MRPS28: variants seen among roughly 807,000 people sequenced by gnomAD.
MRPS28 encodes small ribosomal subunit protein bS1m.
A neutral mutation model predicts 10.8 loss-of-function variants in MRPS28; 7 were observed. The ratio of observed to expected loss-of-function variants is 0.65; its 90% CI spans 0.37 to 1.22. MRPS28 has a LOEUF of 1.22. Ranked by LOEUF, MRPS28 falls within the 50% of genes most tolerant of loss-of-function variation. The pLI is 0.02. For missense variants in MRPS28, 265 were observed against 232.9 expected (o/e 1.14, Z -0.90); for synonymous variants, 121 against 93.3 (o/e 1.30, Z -1.71).
chr8:80,002,956 T>C, intron 2 of MRPS28, 43 bp downstream of exon 2: 1 of 1,443,266 alleles, frequency 6.9e-7, no homozygotes, highest in Non-Finnish European at 9.2e-7. Context: ...CTATCCCAAC[T>C]TTTATGAATA....
chr8:79,948,473 C>T (rs556511159), intron 2 of MRPS28, among the ~76,000 whole-genome samples: 8 of 152,166 alleles, frequency 5.3e-5, no homozygotes, highest in Non-Finnish European at 1.0e-4. Flanking sequence ...CTTTTTCTTG[C>T]CTTACAACTC....
chr8:80,017,813 T>G (rs1222064955), intron 1 of MRPS28, among the ~76,000 whole-genome samples: 1 of 152,218 alleles, frequency 6.6e-6, no homozygotes, highest in African/African-American at 2.4e-5. Context: ...ATATTTCTCA[T>G]GCATGTAGAT....
At chr8:80,008,196 G>A (rs1808919161) in intron 1 of MRPS28, among the ~76,000 whole-genome samples, 1 of 152,150 alleles carries the variant, frequency 6.6e-6, no homozygotes, top group Non-Finnish European at 1.5e-5. Flanking sequence ...TTAATAAATG[G>A]TGCTGGGAAA....
At chr8:80,029,935 C>T in intron 1 of MRPS28, 101 bp downstream of exon 1, 1 of 1,538,096 alleles carries the variant, frequency 6.5e-7, no homozygotes. Flanking sequence ...CCCCGGACCT[C>T]AGCTCCCCTT....
intron 2 of MRPS28, among the ~76,000 whole-genome samples, chr8:79,988,724 G>A (rs1220851631): frequency 6.6e-6 from 1 of 152,094 alleles, no homozygotes; most frequent in East Asian, 1.9e-4. Context: ...AAGCCTTTTT[G>A]AACAATTCTG....
At chr8:79,973,839 T>TTA (rs1554571870) in intron 2 of MRPS28, among the ~76,000 whole-genome samples, 3 of 136,146 alleles carry the variant, frequency 2.2e-5, no homozygotes, top group Admixed American at 7.3e-5. Context: ...AATAAATTAA[T>TTA]AAAAAAAAAA....
rs375976375 is a variant in MRPS28 at position 79,919,192 on chromosome 8, T to G, written c.396-44A>C. The G allele has an allele frequency of 1.5e-3, 2,139 of 1,445,252 alleles. 2 individuals carry two copies. Among genetic ancestry groups the G allele is most frequent in the Non-Finnish European group, 1.5e-3 (1,672 of 1,087,346 alleles). The allele number at this position is 1,445,252 out of a possible 1,614,324, so 89.5% of individuals were successfully genotyped here. A position where few individuals can be genotyped will look rare whatever the true frequency, so the allele number is the denominator to read the frequency against. Reference sequence around the variant, plus strand: ...AAAAATCCATTAATTCTGAATATCATAACATGAACAACTAGTTTAATAACA... The same window carrying G: ...AAAAATCCATTAATTCTGAATATCAGAACATGAACAACTAGTTTAATAACA... On this transcript the variant is annotated intron_variant, in intron 2 of 2. Coordinates refer to ENST00000276585, the MANE Select transcript of MRPS28 (RefSeq NM_014018.3).
intron 2 of MRPS28, among the ~76,000 whole-genome samples, chr8:79,949,198 A>C (rs1229939246): frequency 2.0e-5 from 3 of 152,092 alleles, no homozygotes. Flanking sequence ...GATGGATCAC[A>C]AGGTCAGGAG....
At chr8:80,012,619 C>G (rs1809083689) in intron 1 of MRPS28, among the ~76,000 whole-genome samples, 11 of 152,186 alleles carry the variant, frequency 7.2e-5, no homozygotes, top group Admixed American at 7.2e-4. Context: ...CAGGTACTAA[C>G]TTGGAGTTGA....
At chr8:79,976,555 A>T (rs964362304) in intron 2 of MRPS28, among the ~76,000 whole-genome samples, 4 of 152,048 alleles carry the variant, frequency 2.6e-5, no homozygotes, top group African/African-American at 9.7e-5. Context: ...AAATACAAAA[A>T]ATTAGCTGGG....
intron 2 of MRPS28, among the ~76,000 whole-genome samples, chr8:79,997,161 AG>A (rs1381228983): frequency 6.6e-6 from 1 of 152,240 alleles, no homozygotes; most frequent in African/African-American, 2.4e-5. Flanking sequence ...TTAATATGAC[AG>A]AAAAAAATGT....
chr8:79,997,683 C>A (rs545216611), intron 2 of MRPS28, among the ~76,000 whole-genome samples: 5 of 150,852 alleles, frequency 3.3e-5, no homozygotes, highest in Non-Finnish European at 7.4e-5. Flanking sequence ...TTCATAAGAA[C>A]AAAAACCCTT....
rs199683365 is a variant in MRPS28, at chr8:80,030,069, C to G, written c.180G>C (p.Ser60=). The change falls in exon 1 of 3, where the codon TCG becomes TCC. Residue 60 remains serine, a synonymous_variant. Coordinates refer to ENST00000276585, the MANE Select transcript of MRPS28 (RefSeq NM_014018.3). ...GGGGCTCCACCTTCTGTAGAAGCTC[C>G]GAGTGCCGCTCCAACGCGCTCGCGA... The part of the protein sequence containing the change: ...GGFASALERH[S]ELLQKVEPLQ... 6.2e-7 allele frequency: 1 copy of G among 1,613,548 alleles called. No homozygotes were observed. The highest frequency in any genetic ancestry group is 8.5e-7 in the Non-Finnish European group (1 of 1,179,754).
At position 79,944,701 on chromosome 8, in the gene MRPS28, C is replaced by CT. The variant is rs57397948; in HGVS notation, c.396-25554dup. Among the ~76,000 whole-genome samples the CT allele has an allele frequency of 9.5e-4, 131 of 137,630 alleles. 3 individuals are homozygous for CT. Among genetic ancestry groups the CT allele is most frequent in the Non-Finnish European group, 1.6e-3 (103 of 65,136 alleles). The allele number at this position is 137,630 out of a possible 152,430, so 90.3% of individuals were successfully genotyped here. A position where few individuals can be genotyped will look rare whatever the true frequency, so the allele number is the denominator to read the frequency against. ...GCCATAATTTTTCTTTTTCTTTTTT[C>CT]TTTTTTTTTTTTGAGACAAGGTCTC... On this transcript the variant is annotated intron_variant, in intron 2 of 2. Coordinates refer to ENST00000276585, the MANE Select transcript of MRPS28 (RefSeq NM_014018.3).
At position 79,986,129 on chromosome 8, in the gene MRPS28, A is replaced by G. The variant is rs181750555; in HGVS notation, c.395+16870T>C. On this transcript the variant is annotated intron_variant, in intron 2 of 2. Coordinates refer to ENST00000276585, the MANE Select transcript of MRPS28 (RefSeq NM_014018.3). ...ATGCAAGGCTGGTTCAATATACTCAAATCAATAAATGTAATCCAGCATATA... is the reference window on the plus strand; with the variant it reads ...ATGCAAGGCTGGTTCAATATACTCAGATCAATAAATGTAATCCAGCATATA... 7.2e-4 allele frequency among the ~76,000 whole-genome samples: 110 copies of G among 152,338 alleles called. No individual in the cohort carries two copies. In the East Asian group the frequency reaches 0.02, roughly 27 times the overall value.
At chr8:79,990,989 C>CAAAAAAAAAA (rs60436244) in intron 2 of MRPS28, among the ~76,000 whole-genome samples, 1 of 118,908 alleles carries the variant, frequency 8.4e-6, no homozygotes, top group African/African-American at 3.2e-5. Flanking sequence ...GACTCCATCT[C>CAAAAAAAAAA]AAAAAAAAAA....
chr8:79,950,018 T>A (rs1807040526), intron 2 of MRPS28, among the ~76,000 whole-genome samples: 1 of 151,996 alleles, frequency 6.6e-6, no homozygotes, highest in Non-Finnish European at 1.5e-5. Context: ...CAGGTCATAT[T>A]CAGAAAAAGT....
intron 2 of MRPS28, among the ~76,000 whole-genome samples, chr8:79,925,093 A>G (rs1043598666): frequency 6.6e-6 from 1 of 152,174 alleles, no homozygotes; most frequent in African/African-American, 2.4e-5. Context: ...ACTCCTCTCC[A>G]ATATTTCTAG....
At chr8:79,967,164 A>G (rs145496282) in intron 2 of MRPS28, among the ~76,000 whole-genome samples, 10 of 152,296 alleles carry the variant, frequency 6.6e-5, no homozygotes, top group Admixed American at 4.6e-4. Context: ...GTGTATGGAT[A>G]TTGAGTCTTG....
Sources: gnomAD v4.1 joint callset for allele counts (sites outside exome capture counted in the v4.1 genomes callset) on GRCh38, gnomAD v4.1.1 for gene constraint, MANE v1.5 for transcripts, NCBI Gene and HGNC (gene_info 2026-07-23, HGNC 2026-07-21) for gene names.